TMEM164: variants seen among roughly 807,000 people sequenced by gnomAD.
TMEM164 encodes transmembrane protein 164.
TMEM164 carries 4 observed loss-of-function variants against 18.8 expected under a neutral mutation model. The ratio of observed to expected loss-of-function variants is 0.21; its 90% CI spans 0.10 to 0.49. TMEM164 has a LOEUF of 0.49. Ranked by LOEUF, TMEM164 falls within the 20% of genes least tolerant of loss-of-function variation. The pLI, the probability that TMEM164 is intolerant of heterozygous loss-of-function variation, is 0.98. For missense variants in TMEM164, 108 were observed against 239.9 expected (o/e 0.45, Z 3.63); for synonymous variants, 86 against 101.7 (o/e 0.85, Z 0.93).
intron 2 of TMEM164, among the ~76,000 whole-genome samples, chrX:110,016,852 T>C (rs1933407866): frequency 9.0e-6 from 1 of 110,992 alleles, no homozygotes; most frequent in Non-Finnish European, 1.9e-5. Flanking sequence ...AGATGGGGTC[T>C]TGCCATGTTG....
chrX:110,033,411 G>A (rs1466447528), intron 2 of TMEM164, among the ~76,000 whole-genome samples: 1 of 112,051 alleles, frequency 8.9e-6, no homozygotes, highest in African/African-American at 3.2e-5. Context: ...TTGGTAGTAT[G>A]TTTTATTTGA....
At chrX:110,066,181 C>T (rs923922457) in intron 2 of TMEM164, among the ~76,000 whole-genome samples, 4 of 111,207 alleles carry the variant, frequency 3.6e-5, no homozygotes, top group Non-Finnish European at 7.5e-5. Context: ...TCTTATAATA[C>T]CCTTTTCTTC....
At chrX:110,082,818 A>G (rs370392134) in intron 3 of TMEM164, among the ~76,000 whole-genome samples, 1 of 109,388 alleles carries the variant, frequency 9.1e-6, no homozygotes, top group Non-Finnish European at 1.9e-5. Flanking sequence ...AAATATCATT[A>G]TGGGTAATTT....
At chrX:110,105,127 A>ACCTC (rs1569330625) in intron 3 of TMEM164, among the ~76,000 whole-genome samples, 1 of 68,061 alleles carries the variant, frequency 1.5e-5, no homozygotes, top group African/African-American at 5.8e-5. Context: ...TTTCCCTCCC[A>ACCTC]CCTCCCTCCC....
chrX:110,052,934 G>A (rs1362591900), intron 2 of TMEM164, among the ~76,000 whole-genome samples: 6 of 109,575 alleles, frequency 5.5e-5, no homozygotes, highest in African/African-American at 2.0e-4. Flanking sequence ...TGTATTTTTA[G>A]TAGAGACGGG....
chrX:110,031,931 T>A (rs2147756686), intron 2 of TMEM164, among the ~76,000 whole-genome samples: 1 of 110,111 alleles, frequency 9.1e-6, no homozygotes, highest in East Asian at 2.8e-4. Flanking sequence ...GCAGGTTTGT[T>A]ACATATATAA....
intron 2 of TMEM164, among the ~76,000 whole-genome samples, chrX:110,066,750 T>G (rs1238067899): frequency 8.9e-6 from 1 of 111,740 alleles, no homozygotes; most frequent in African/African-American, 3.3e-5. Context: ...TGTTTGGTTT[T>G]ACCTGGGAGG....
chrX:110,080,591 T>G (rs981221690), intron 3 of TMEM164, among the ~76,000 whole-genome samples: 3 of 112,503 alleles, frequency 2.7e-5, no homozygotes, highest in Non-Finnish European at 3.7e-5. Flanking sequence ...ATTCTTCATA[T>G]CTATAATTTT....
At chrX:110,010,826 C>T (rs1353362203) in intron 2 of TMEM164, among the ~76,000 whole-genome samples, 1 of 111,698 alleles carries the variant, frequency 9.0e-6, no homozygotes, top group Non-Finnish European at 1.9e-5. Context: ...TGTAGAGTTC[C>T]ACTGGCTTGT....
chrX:110,156,093 C>A (rs1360571591), intron 5 of TMEM164, among the ~76,000 whole-genome samples: 1 of 111,518 alleles, frequency 9.0e-6, no homozygotes, highest in Admixed American at 9.5e-5. Context: ...TCTGAATAAA[C>A]TTATCTGCTG....
intron 2 of TMEM164, among the ~76,000 whole-genome samples, chrX:110,008,716 T>C (rs976807436): frequency 1.9e-4 from 21 of 111,680 alleles, no homozygotes; most frequent in African/African-American, 6.8e-4. Context: ...GTTTTGCTCA[T>C]GGCTTGCTAC....
At chrX:110,023,557 C>G (rs1336095514) in intron 2 of TMEM164, among the ~76,000 whole-genome samples, 1 of 111,609 alleles carries the variant, frequency 9.0e-6, no homozygotes, top group Non-Finnish European at 1.9e-5. Context: ...TTCCAGACCC[C>G]TCTCCCCACA....
chrX:110,102,092 G>T (rs1229385385), intron 3 of TMEM164, among the ~76,000 whole-genome samples: 1 of 105,574 alleles, frequency 9.5e-6, no homozygotes, highest in African/African-American at 3.5e-5. Context: ...TTGGGAGGCC[G>T]AGGTGGGTGG....
At chrX:110,083,378 C>T (rs2065786547) in intron 3 of TMEM164, among the ~76,000 whole-genome samples, 1 of 111,236 alleles carries the variant, frequency 9.0e-6, no homozygotes, top group Non-Finnish European at 1.9e-5. Context: ...CTTCTATATG[C>T]TAGGATTTTT....
intron 3 of TMEM164, among the ~76,000 whole-genome samples, chrX:110,079,171 C>T (rs973830236): frequency 1.8e-5 from 2 of 111,476 alleles, no homozygotes; most frequent in African/African-American, 3.3e-5. Context: ...GATTTCCCGT[C>T]GAAACTCTCA....
intron 2 of TMEM164, among the ~76,000 whole-genome samples, chrX:110,014,600 C>T (rs1933201557): frequency 9.1e-6 from 1 of 110,240 alleles, no homozygotes; most frequent in African/African-American, 3.3e-5. Flanking sequence ...TGCTCTTTAT[C>T]AATGGGCTGG....
chrX:110,046,731 C>A lies in TMEM164; in HGVS notation c.391-20616C>A, dbSNP rs1043290076. ...TTTCCTCTCCCATCTATTGTACCCC[C>A]TTTTGTCAGTGCCACCCAGCTTTCT... On this transcript the variant is annotated intron_variant, in intron 2 of 6. Transcript: ENST00000372068. 4.5e-5 allele frequency among the ~76,000 whole-genome samples: 5 copies of A among 112,212 alleles called. No individual in the cohort carries two copies. In the Admixed American group the frequency reaches 4.7e-4, roughly 11 times the overall value.
At chrX:110,022,598 A>T (rs1933955148) in intron 2 of TMEM164, among the ~76,000 whole-genome samples, 1 of 111,741 alleles carries the variant, frequency 8.9e-6, no homozygotes, top group Non-Finnish European at 1.9e-5. Flanking sequence ...CGTATTTGAA[A>T]AGTCTGGTGG....
rs952128965 is a variant in TMEM164, at chrX:110,173,662, G to A, written c.*211G>A. The A allele has an allele frequency of 7.6e-5, 32 of 422,911 alleles. 1 individual carries two copies. The highest frequency in any genetic ancestry group is 1.5e-4 in the African/African-American group (6 of 39,388). 34.9% of individuals were successfully genotyped at this position (422,911 alleles called of 1,213,427 possible). A position where few individuals can be genotyped will look rare whatever the true frequency, so the allele number is the denominator to read the frequency against. On this transcript the variant is annotated 3_prime_UTR_variant, in exon 7 of 7. Coordinates refer to ENST00000372068, the MANE Select transcript of TMEM164 (RefSeq NM_032227.4). The stretch of plus-strand genomic sequence containing the variant: ...TTGAGCCTGGGGTGTAGTGCTGGGC[G>A]CTGGATTTTCCTCCTTCCCTTTGGC...
Sources: gnomAD v4.1 joint callset for allele counts (sites outside exome capture counted in the v4.1 genomes callset) on GRCh38, gnomAD v4.1.1 for gene constraint, MANE v1.5 for transcripts, NCBI Gene and HGNC (gene_info 2026-07-23, HGNC 2026-07-21) for gene names.